The following USP13 variants were observed in gnomAD, a reference collection of about 807,000 sequenced individuals.
USP13 encodes ubiquitin specific peptidase 13, also known as ubiquitin carboxyl-terminal hydrolase 13.
Under a neutral mutation model 107.8 loss-of-function variants are expected in USP13, and 68 were observed. The ratio of observed to expected loss-of-function variants is 0.63; its 90% confidence interval spans 0.52 to 0.77. The LOEUF (loss-of-function observed/expected upper bound fraction) is 0.77. Among genes scored for constraint, USP13 ranks in the 30% least tolerant of loss-of-function variants. The pLI, the probability that USP13 is intolerant of heterozygous loss-of-function variation, is 0.00. For synonymous variants in USP13, 377 were observed against 389.5 expected (o/e 0.97, Z 0.38); for missense variants, 945 against 1,093.3 (o/e 0.86, Z 1.91).
intron 8 of USP13, among the ~76,000 whole-genome samples, chr3:179,727,482 G>C (rs1157797779): frequency 9.0e-6 from 1 of 111,348 alleles, no homozygotes; most frequent in African/African-American, 3.2e-5. Flanking sequence ...CAGGGTTGGG[G>C]GTAAGGTCAC....
chr3:179,750,375 G>A (rs1207552892), intron 13 of USP13, among the ~76,000 whole-genome samples: 2 of 144,396 alleles, frequency 1.4e-5, no homozygotes, highest in Admixed American at 7.0e-5. Context: ...GACAGAGTTT[G>A]TTGTTTTTTT....
At chr3:179,734,993 G>A (rs188781257) in intron 10 of USP13, among the ~76,000 whole-genome samples, 1 of 152,330 alleles carries the variant, frequency 6.6e-6, no homozygotes, top group East Asian at 1.9e-4. Flanking sequence ...TCCTGTGTAA[G>A]CATTTGGGAG....
intron 6 of USP13, among the ~76,000 whole-genome samples, chr3:179,715,916 G>C (rs1713097883): frequency 6.6e-6 from 1 of 151,896 alleles, no homozygotes; most frequent in South Asian, 2.1e-4. Flanking sequence ...GGCTTTCCTA[G>C]TTTTTGTTCT....
chr3:179,666,780 A>G (rs1270504321), intron 1 of USP13, among the ~76,000 whole-genome samples: 2 of 152,056 alleles, frequency 1.3e-5, no homozygotes, highest in Non-Finnish European at 2.9e-5. Flanking sequence ...CCAAGCCCCC[A>G]CGAGAGCATG....
In USP13 at chr3:179,754,861, TCTC is replaced by T. The variant is rs768733113; in HGVS notation, c.1921+10_1921+12del. 1.6e-5 allele frequency: 25 copies of T among 1,605,882 alleles called. No individual in the cohort carries two copies. In the Admixed American group the frequency reaches 2.2e-4, roughly 14 times the overall value. On this transcript the variant is annotated splice_region_variant and intron_variant, in intron 15 of 20. Transcript: ENST00000263966. ...ATTCCTGATGACTCAAAAGGTACCA[TCTC>T]CTGCCAGGAGAATATGCGCTACCCT... is the stretch of plus-strand genomic sequence containing the variant.
rs1272531504 is a variant in USP13, at chr3:179,653,139, C to G, written c.-87C>G. 9.9e-7 allele frequency: 1 copy of G among 1,008,754 alleles called. No homozygotes were observed. Among genetic ancestry groups the G allele is most frequent in the Admixed American group, 5.9e-5 (1 of 16,906 alleles). 62.5% of individuals were successfully genotyped at this position (1,008,754 alleles called of 1,614,324 possible). A position where few individuals can be genotyped will look rare whatever the true frequency, so the allele number is the denominator to read the frequency against. On this transcript the variant is annotated 5_prime_UTR_variant, in exon 1 of 21. Coordinates refer to ENST00000263966, the MANE Select transcript of USP13 (RefSeq NM_003940.3). This position sits in a 1 kb window ranked among gnomAD's most constrained non-coding sequence, Gnocchi z 4.0. The stretch of plus-strand genomic sequence containing the variant: ...GCCGTTGCCCGCGCAGCCCGCCCGT[C>G]AGCCCGCTCGCTGGCGCCGCCGCCG...
At position 179,678,783 on chromosome 3, in the gene USP13, T is replaced by C. The variant is rs1711552825; in HGVS notation, c.169-3095T>C. 6.6e-6 allele frequency among the ~76,000 whole-genome samples: 1 copy of C among 152,198 alleles called. No homozygotes were observed. The highest frequency in any genetic ancestry group is 2.4e-5 in the African/African-American group (1 of 41,456). ...TAAAAATTTCATTTGCAAGTGTTTG[T>C]TGCTAATGTCTGAAACTGCAGTTGA... is the stretch of plus-strand genomic sequence containing the variant. On this transcript the variant is annotated intron_variant, in intron 1 of 20. Transcript: ENST00000263966. The surrounding 1 kb of genome is among the most constrained non-coding windows in gnomAD (Gnocchi z 4.2).
chr3:179,665,091 GA>G (rs909083518), intron 1 of USP13, among the ~76,000 whole-genome samples: 208 of 147,500 alleles, frequency 1.4e-3, no homozygotes, highest in African/African-American at 4.8e-3. Flanking sequence ...TGTCTCAAAA[GA>G]AAAAAAAAAG....
intron 2 of USP13, among the ~76,000 whole-genome samples, chr3:179,686,714 C>T (rs1477786024): frequency 6.6e-6 from 1 of 152,258 alleles, no homozygotes; most frequent in Non-Finnish European, 1.5e-5. Flanking sequence ...TAAGACTCAA[C>T]ATTGCAGTCT....
chr3:179,672,855 G>C (rs1720788796), intron 1 of USP13, among the ~76,000 whole-genome samples: 1 of 152,188 alleles, frequency 6.6e-6, no homozygotes, highest in South Asian at 2.1e-4. Flanking sequence ...TTTCTGGTTA[G>C]TGCATCATAA....
chr3:179,732,067 T>G (rs1257100023), intron 10 of USP13, among the ~76,000 whole-genome samples: 1 of 151,604 alleles, frequency 6.6e-6, no homozygotes, highest in African/African-American at 2.4e-5. Flanking sequence ...GTAAAGAGGG[T>G]GGAGAGGGAA....
chr3:179,782,715 TCTTAA>T (rs1715788231), intron 20 of USP13, among the ~76,000 whole-genome samples: 1 of 152,186 alleles, frequency 6.6e-6, no homozygotes, highest in African/African-American at 2.4e-5. Flanking sequence ...AGTTTTGTCT[TCTTAA>T]CTTGGTAAAA....
Position 179,688,083 on chromosome 3 carries a change from A to ATCCATCCATCCATTCG in USP13, c.295-2145_295-2144insTCGTCCATCCATCCAT, listed in dbSNP as rs1711943032. On this transcript the variant is annotated intron_variant, in intron 2 of 20. Transcript: ENST00000263966. The stretch of plus-strand genomic sequence containing the variant: ...TTTACTCCCTGTAATCAGGATATCC[A>ATCCATCCATCCATTCG]TCCATCCATCCATCCGTCCATCCAT... Among the ~76,000 whole-genome samples, 3 of 112,862 alleles carry ATCCATCCATCCATTCG rather than the reference A, an allele frequency of 2.7e-5. No individual in the cohort carries two copies. The South Asian group carries it at 8.2e-4, about 31-fold the overall frequency. 74.0% of individuals were successfully genotyped at this position (112,862 alleles called of 152,430 possible).
At chr3:179,719,851 T>C (rs1275056057) in intron 6 of USP13, 89 bp from the exon 7 acceptor site, 1 of 1,060,852 alleles carries the variant, frequency 9.4e-7, no homozygotes, top group Non-Finnish European at 1.4e-6. Context: ...AGCCCAAGCC[T>C]GGTGTACAGT....
At chr3:179,667,657 T>C (rs1183539554) in intron 1 of USP13, among the ~76,000 whole-genome samples, 1 of 152,058 alleles carries the variant, frequency 6.6e-6, no homozygotes, top group Admixed American at 6.6e-5. Flanking sequence ...GAATGATTCT[T>C]TTTTTTGAGA....
intron 1 of USP13, among the ~76,000 whole-genome samples, chr3:179,667,144 C>T (rs1343105207): frequency 6.6e-6 from 1 of 152,146 alleles, no homozygotes; most frequent in Non-Finnish European, 1.5e-5. Context: ...GTGAGCGGTT[C>T]CCTTCGAGAA....
At chr3:179,740,041 C>A (rs1714131303) in intron 10 of USP13, among the ~76,000 whole-genome samples, 1 of 152,070 alleles carries the variant, frequency 6.6e-6, no homozygotes, top group African/African-American at 2.4e-5. Context: ...AGAGTCTCAT[C>A]CTGTGTTCTT....
intron 13 of USP13, among the ~76,000 whole-genome samples, chr3:179,750,727 C>A (rs530560783): frequency 1.3e-5 from 2 of 152,284 alleles, no homozygotes; most frequent in Admixed American, 1.3e-4. Flanking sequence ...ACAATACTTT[C>A]TAGTGCGCCA....
At chr3:179,751,833 C>A (rs1458558558) in intron 13 of USP13, among the ~76,000 whole-genome samples, 1 of 152,062 alleles carries the variant, frequency 6.6e-6, no homozygotes, top group Non-Finnish European at 1.5e-5. Flanking sequence ...AAGTGATTCT[C>A]CTGCCTCAGC....
Sources: gnomAD v4.1 joint callset for allele counts (sites outside exome capture counted in the v4.1 genomes callset) on GRCh38, gnomAD v4.1.1 for gene constraint, Gnocchi (gnomAD v3.1) non-coding constraint, MANE v1.5 for transcripts, NCBI Gene and HGNC (gene_info 2026-07-23, HGNC 2026-07-21) for gene names.